Variants in PREP observed in about 807,000 individuals in gnomAD.
PREP encodes the protein prolyl endopeptidase.
Under a neutral mutation model 87.6 loss-of-function variants are expected in PREP, and 29 were observed. The ratio of observed to expected loss-of-function variants is 0.33; its 90% CI spans 0.25 to 0.45. The LOEUF is 0.45. PREP is among the 20% of genes least tolerant of loss of function. The pLI is 1.00. For synonymous variants in PREP, 337 were observed against 328.6 expected (o/e 1.03, Z -0.28); for missense variants, 695 against 886.5 (o/e 0.78, Z 2.74).
chr6:105,328,704 T>A (rs1217155863), intron 9 of PREP, 125 bp downstream of exon 9: 1 of 1,000,942 alleles, frequency 1.0e-6, no homozygotes, highest in South Asian at 1.6e-5. Context: ...TCCCATTAAG[T>A]AATTTTGGCT....
chr6:105,288,158 AC>A (rs1770225398), intron 11 of PREP, among the ~76,000 whole-genome samples: 2 of 152,204 alleles, frequency 1.3e-5, no homozygotes, highest in Admixed American at 6.5e-5. Context: ...TTCCTTTAAG[AC>A]CTTGATTAAT....
chr6:105,322,529 T>C (rs1771038866), intron 10 of PREP: 2 of 985,864 alleles, frequency 2.0e-6, no homozygotes, highest in South Asian at 4.7e-5. Context: ...TGTTGTACTT[T>C]TAAATGCTAT....
intron 10 of PREP, chr6:105,322,561 A>C: frequency 1.0e-6 from 1 of 986,528 alleles, no homozygotes; most frequent in Non-Finnish European, 1.2e-6. Flanking sequence ...AAGATTCTGC[A>C]AACTTTTTCT....
chr6:105,359,125 G>A (rs1347192308), intron 6 of PREP, among the ~76,000 whole-genome samples: 4 of 152,202 alleles, frequency 2.6e-5, no homozygotes, highest in Admixed American at 2.6e-4. Flanking sequence ...CAGCTGGGGT[G>A]TGTATTCCCC....
At chr6:105,310,730 A>T (rs1200476221) in intron 10 of PREP, among the ~76,000 whole-genome samples, 1 of 152,194 alleles carries the variant, frequency 6.6e-6, no homozygotes, top group Non-Finnish European at 1.5e-5. Flanking sequence ...TATGCTCTGC[A>T]TGTGACTTTG....
chr6:105,306,412 T>C (rs374343229), intron 10 of PREP, among the ~76,000 whole-genome samples: 19 of 152,138 alleles, frequency 1.2e-4, no homozygotes, highest in African/African-American at 4.1e-4. Context: ...TTAGCACACA[T>C]GTCCTGGGCT....
At chr6:105,287,144 C>G (rs1193888072) in intron 11 of PREP, among the ~76,000 whole-genome samples, 1 of 151,826 alleles carries the variant, frequency 6.6e-6, no homozygotes, top group East Asian at 1.9e-4. Context: ...GGCTTGCATT[C>G]TTAGACTAAT....
At chr6:105,362,333 C>T (rs1772273938) in intron 6 of PREP, among the ~76,000 whole-genome samples, 1 of 152,154 alleles carries the variant, frequency 6.6e-6, no homozygotes, top group South Asian at 2.1e-4. Context: ...TGGTGGCGTA[C>T]GCCTTTAATC....
At chr6:105,318,386 G>A (rs1051501145) in intron 10 of PREP, among the ~76,000 whole-genome samples, 6 of 152,262 alleles carry the variant, frequency 3.9e-5, no homozygotes, top group Admixed American at 1.3e-4. Context: ...TCCTCTTTTA[G>A]ACATGGTAGA....
At chr6:105,289,700 A>G (rs79200277) in intron 10 of PREP, among the ~76,000 whole-genome samples, 7,073 of 152,276 alleles carry the variant, frequency 0.046, 213 homozygotes, top group African/African-American at 0.09. Context: ...AAAAGCTGAT[A>G]ATGCTTTTTT....
At chr6:105,367,671 C>CAAAAAA (rs112161765) in intron 6 of PREP, among the ~76,000 whole-genome samples, 2 of 80,510 alleles carry the variant, frequency 2.5e-5, no homozygotes, top group South Asian at 4.9e-4. Flanking sequence ...GACTCCGTCT[C>CAAAAAA]AAAAAAAAAA....
rs141592463 is a variant in PREP at position 105,354,303 on chromosome 6, A to G, written c.718-1226T>C. Among the ~76,000 whole-genome samples, 5 of 152,324 alleles carry G rather than the reference A, an allele frequency of 3.3e-5. No individual in the cohort carries two copies. The East Asian group carries it at 9.6e-4, about 29-fold the overall frequency. On this transcript the variant is annotated intron_variant, in intron 6 of 14. Coordinates refer to ENST00000652536, the MANE Select transcript of PREP (RefSeq NM_002726.5). Reference sequence around the variant, plus strand: ...ATGCTTCCCAGTGTATATAACTAGAAGTAAAATTGCTCAGTGGTAGGACAT... The same window carrying G: ...ATGCTTCCCAGTGTATATAACTAGAGGTAAAATTGCTCAGTGGTAGGACAT...
intron 2 of PREP, among the ~76,000 whole-genome samples, chr6:105,384,083 A>G (rs1772921362): frequency 1.3e-5 from 2 of 152,284 alleles, no homozygotes; most frequent in South Asian, 4.1e-4. Context: ...GTTGACATCT[A>G]TTTCTTTCTG....
chr6:105,365,109 T>C (rs1357063268), intron 6 of PREP, among the ~76,000 whole-genome samples: 1 of 152,092 alleles, frequency 6.6e-6, no homozygotes, highest in African/African-American at 2.4e-5. Flanking sequence ...TAGCCAGGCA[T>C]GGTGGCATGA....
chr6:105,353,771 C>CCA, intron 6 of PREP, among the ~76,000 whole-genome samples: 1 of 71,078 alleles, frequency 1.4e-5, no homozygotes, highest in East Asian at 3.9e-4. Flanking sequence ...GACTCCATCT[C>CCA]AAAAAAAAAA....
At chr6:105,383,440 G>A (rs943119236) in intron 2 of PREP, among the ~76,000 whole-genome samples, 4 of 152,086 alleles carry the variant, frequency 2.6e-5, no homozygotes, top group African/African-American at 9.7e-5. Context: ...TGGCCCACAA[G>A]CAACCCCCTA....
intron 2 of PREP, among the ~76,000 whole-genome samples, chr6:105,380,605 A>T (rs1361624947): frequency 6.6e-6 from 1 of 152,132 alleles, no homozygotes; most frequent in African/African-American, 2.4e-5. Context: ...AACCATTATA[A>T]TGGGAGTGGA....
chr6:105,364,428 A>G (rs1359780630), intron 6 of PREP, among the ~76,000 whole-genome samples: 1 of 152,204 alleles, frequency 6.6e-6, no homozygotes, highest in African/African-American at 2.4e-5. Flanking sequence ...AAGGAAGATG[A>G]GTCACGAGGA....
At position 105,373,387 on chromosome 6, in the gene PREP, G is replaced by T. The variant is rs1772606688; in HGVS notation, c.577C>A (p.Gln193Lys). ...KGMFYNSYPQ[Q>K]DGKSDGTETS... The stretch of plus-strand genomic sequence containing the variant: ...CACTCACCATCACTTTTTCCATCCT[G>T]TTGAGGGTATGAGTTGTAGAACATT... The change falls in exon 5 of 15, where the codon CAG (glutamine) becomes AAG (lysine). Residue 193 changes from glutamine (Q) to lysine (K), a missense_variant. Around this residue, in one of 5 missense-constraint regions of PREP, gnomAD observed 517 missense variants for 620.3 expected, o/e 0.83. Transcript: ENST00000652536. 1.9e-6 allele frequency: 3 copies of T among 1,613,962 alleles called. No homozygotes were observed. Among genetic ancestry groups the T allele is most frequent in the Non-Finnish European group, 2.5e-6 (3 of 1,179,992 alleles).
Sources: gnomAD v4.1 joint callset for allele counts (sites outside exome capture counted in the v4.1 genomes callset) on GRCh38, gnomAD v4.1.1 for gene constraint, gnomAD v4.1.1 regional missense constraint, MANE v1.5 for transcripts, NCBI Gene and HGNC (gene_info 2026-07-23, HGNC 2026-07-21) for gene names.